Variants in PRAF2 observed in about 807,000 individuals in gnomAD.
PRAF2 encodes the protein PRA1 family protein 2.
A neutral mutation model predicts 9.7 loss-of-function variants in PRAF2; 5 were observed. That is an observed-to-expected ratio of 0.51 (90% confidence interval 0.27 to 1.08). The LOEUF is 1.08. Ranked by LOEUF, PRAF2 falls within the 50% of genes least tolerant of loss-of-function variation. PRAF2 has a pLI of 0.12. For synonymous variants in PRAF2, 61 were observed against 76.6 expected, an observed-to-expected ratio of 0.80 and a Z score of 1.06; for missense variants, 135 against 160.7, an observed-to-expected ratio of 0.84 and a Z score of 0.86.
At position 49,072,656 on chromosome X, in the gene PRAF2, G is replaced by A. The variant is rs781872039; in HGVS notation, c.180-6C>T. ...TATGAAGTGGCCGCACGTACCTGCG[G>A]GTACAAGGGAACCAAGCTAGCCGGC... On this transcript the variant is annotated splice_region_variant and splice_polypyrimidine_tract_variant and intron_variant, in intron 1 of 2. Transcript: ENST00000553851. The A allele has an allele frequency of 1.4e-5, 16 of 1,161,953 alleles. No homozygotes were observed. The South Asian group carries it at 2.7e-4, about 19-fold the overall frequency.
At chrX:49,072,205 C>T in intron 2 of PRAF2, 197 bp from the exon 3 acceptor site, 1 of 610,513 alleles carries the variant, frequency 1.6e-6, no homozygotes, top group Non-Finnish European at 2.5e-6. Flanking sequence ...GTAACGGGGA[C>T]GTGGCCAGTG....
In PRAF2 at chrX:49,071,816, T is replaced by C. The variant is rs782433233; in HGVS notation, c.*53A>G. 1.8e-5 allele frequency: 21 copies of C among 1,148,550 alleles called. No individual in the cohort carries two copies. The highest frequency in any genetic ancestry group is 2.4e-5 in the Non-Finnish European group (21 of 864,311). The allele number at this position is 1,148,550 out of a possible 1,213,427, so 94.7% of individuals were successfully genotyped here. A position where few individuals can be genotyped will look rare whatever the true frequency, so the allele number is the denominator to read the frequency against. Reference sequence around the variant, plus strand: ...GGGAAAGGGCTCTGGGTCCCAATTATGGGCTGGGGGTGGGGTGGTATTCTC... The same window carrying C: ...GGGAAAGGGCTCTGGGTCCCAATTACGGGCTGGGGGTGGGGTGGTATTCTC... On this transcript the variant is annotated 3_prime_UTR_variant, in exon 3 of 3. Coordinates refer to ENST00000553851, the MANE Select transcript of PRAF2 (RefSeq NM_007213.3).
At position 49,072,010 on chromosome X, in the gene PRAF2, T is replaced by C; in HGVS notation, c.398-2A>G. Reference sequence around the variant, plus strand: ...GCAACGAGGCGTGCACCAGGATCACTGTGGGCGGCACCGAGAGGGGTGGTC... The same window carrying C: ...GCAACGAGGCGTGCACCAGGATCACCGTGGGCGGCACCGAGAGGGGTGGTC... On this transcript the variant is annotated splice_acceptor_variant, in intron 2 of 2. Transcript: ENST00000553851. LOFTEE classifies it high-confidence loss of function. The C allele has an allele frequency of 8.3e-7, 1 of 1,205,496 alleles. No individual in the cohort carries two copies. Among genetic ancestry groups the C allele is most frequent in the Non-Finnish European group, 1.1e-6 (1 of 893,439 alleles).
rs2065009287 is a variant in PRAF2, at chrX:49,071,201, A to G, written c.*668T>C. On this transcript the variant is annotated 3_prime_UTR_variant, in exon 3 of 3. Transcript: ENST00000553851. ...CAACAGGCTTTATTGTTGCAGCAAC[A>G]CTAACATATACGCCCCATTCCCTGC... is the stretch of plus-strand genomic sequence containing the variant. 2 of 112,724 alleles carry G rather than the reference A, an allele frequency of 1.8e-5. No homozygotes were observed. The highest frequency in any genetic ancestry group is 6.4e-5 in the African/African-American group (2 of 31,061). The allele number at this position is 112,724 out of a possible 1,213,427, so 9.3% of individuals were successfully genotyped here.
At chrX:49,073,338 A>T (rs1256622063) in intron 1 of PRAF2, among the ~76,000 whole-genome samples, 2 of 108,846 alleles carry the variant, frequency 1.8e-5, no homozygotes, top group African/African-American at 3.4e-5. Flanking sequence ...TCCCCAATAA[A>T]TACATCTTCC....
In PRAF2 at chrX:49,071,882, T is replaced by G; in HGVS notation, c.524A>C (p.Glu175Ala). Residue 175 changes from glutamate to alanine, a missense_variant, in exon 3 of 3, where the codon GAG becomes GCG. Physicochemically the swap from Glu to Ala is moderately radical, Grantham distance 107 (BLOSUM62 -1). Coordinates refer to ENST00000553851, the MANE Select transcript of PRAF2 (RefSeq NM_007213.3). Reference sequence around the variant, plus strand: ...GATCCCAGGGGCCTAGGATCCAGCCTCCTGCTCTTGTCCCAGTGCCTCTAG... The same window carrying G: ...GATCCCAGGGGCCTAGGATCCAGCCGCCTGCTCTTGTCCCAGTGCCTCTAG... ...LLLEALGQEQEAGS is the reference protein window; with the variant it reads ...LLLEALGQEQAAGS 8.3e-7 allele frequency: 1 copy of G among 1,209,628 alleles called. No individual in the cohort carries two copies. Among genetic ancestry groups the G allele is most frequent in the Non-Finnish European group, 1.1e-6 (1 of 894,537 alleles).
intron 1 of PRAF2, among the ~76,000 whole-genome samples, chrX:49,073,197 C>T (rs2065017653): frequency 9.0e-6 from 1 of 111,018 alleles, no homozygotes; most frequent in Non-Finnish European, 1.9e-5. Flanking sequence ...TCAAGTCCTT[C>T]CTCCAGATTC....
intron 1 of PRAF2, 32 bp downstream of exon 1, chrX:49,073,777 G>A (rs1434299610): frequency 8.3e-7 from 1 of 1,204,666 alleles, no homozygotes; most frequent in Non-Finnish European, 1.1e-6. Context: ...CTCTGCAGAC[G>A]TCCCTGGCCA....
At chrX:49,072,718 T>A in intron 1 of PRAF2, 68 bp from the exon 2 acceptor site, 2 of 1,049,888 alleles carry the variant, frequency 1.9e-6, no homozygotes, top group Non-Finnish European at 1.3e-6. Flanking sequence ...CCACCCACCC[T>A]GGGCCCCAAG....
At chrX:49,073,334 A>G (rs1557083451) in intron 1 of PRAF2, among the ~76,000 whole-genome samples, 1 of 110,206 alleles carries the variant, frequency 9.1e-6, no homozygotes. Context: ...CGGATCCCCA[A>G]TAAATACATC....
chrX:49,073,584 C>G (rs2065019057), intron 1 of PRAF2, among the ~76,000 whole-genome samples: 1 of 110,292 alleles, frequency 9.1e-6, no homozygotes, highest in South Asian at 3.9e-4. Flanking sequence ...CCCCCGCAGG[C>G]CCTCCTCATC....
chrX:49,073,931 C>G lies in PRAF2; in HGVS notation c.57G>C (p.Ser19=). The G allele has an allele frequency of 8.3e-7, 1 of 1,211,212 alleles. No individual in the cohort carries two copies. The highest frequency in any genetic ancestry group is 1.1e-6 in the Non-Finnish European group (1 of 895,159). ...ATGGATCCGGAGCCGCCAGACGCGC[C>G]GACCCCAGAACAAAGTCGTCCAGGG... The part of the protein sequence containing the change: ...LRALDDFVLG[S]ARLAAPDPCD... Residue 19 remains serine, a synonymous_variant, in exon 1 of 3, where the codon TCG becomes TCC. Transcript: ENST00000553851.
At chrX:49,072,331 G>A (rs2065014008) in intron 2 of PRAF2, 102 bp downstream of exon 2, 3 of 1,020,395 alleles carry the variant, frequency 2.9e-6, no homozygotes, top group Middle Eastern at 2.6e-4. Flanking sequence ...AGGCCCTCGG[G>A]TTTCCCAGCC....
chrX:49,072,355 G>A lies in PRAF2; in HGVS notation c.397+78C>T, dbSNP rs1253200657. The stretch of plus-strand genomic sequence containing the variant: ...GGTTTCCCAGCCCCCTCTCAACCCG[G>A]GGACCGGCAGGGCTGGCCTGGTGCC... On this transcript the variant is annotated intron_variant, in intron 2 of 2. Transcript: ENST00000553851. 6.4e-6 allele frequency: 7 copies of A among 1,095,891 alleles called. No homozygotes were observed. In the African/African-American group the frequency reaches 1.3e-4, roughly 20 times the overall value. 90.3% of individuals were successfully genotyped at this position (1,095,891 alleles called of 1,213,427 possible).
intron 2 of PRAF2, 136 bp from the exon 3 acceptor site, chrX:49,072,144 GTGGCCGAGTAAT>G (rs1300673897): frequency 1.2e-6 from 1 of 848,806 alleles, no homozygotes; most frequent in Admixed American, 3.3e-5. Context: ...TACTGAAAGC[GTGGCCGAGTAAT>G]TGGCTTGGCA....
At position 49,072,006 on chromosome X, in the gene PRAF2, T is replaced by C. The variant is rs2065012903; in HGVS notation, c.400A>G (p.Ile134Val). The part of the protein sequence containing the change: ...LFSIAGPVLL[I>V]LVHASLRLRN... ...AGGCGCAACGAGGCGTGCACCAGGA[T>C]CACTGTGGGCGGCACCGAGAGGGGT... The change falls in exon 3 of 3, where the codon ATC (isoleucine) becomes GTC (valine). Residue 134 changes from isoleucine (I) to valine (V), a missense_variant and splice_region_variant. By Grantham distance (29) the Ile-to-Val change is conservative. Coordinates refer to ENST00000553851, the MANE Select transcript of PRAF2 (RefSeq NM_007213.3). 1 of 1,203,836 alleles carries C rather than the reference T, an allele frequency of 8.3e-7. No individual in the cohort carries two copies. The highest frequency in any genetic ancestry group is 1.8e-5 in the South Asian group (1 of 56,218).
Position 49,071,243 on chromosome X carries a change from C to T in PRAF2, c.*626G>A, listed in dbSNP as rs781981428. ...ATTCCCTGCTGAGGCCTGTCCCCAC[C>T]TCACCCCTTGGTTGTCGATGGTGTG... On this transcript the variant is annotated 3_prime_UTR_variant, in exon 3 of 3. Coordinates refer to ENST00000553851, the MANE Select transcript of PRAF2 (RefSeq NM_007213.3). 12 of 112,626 alleles carry T rather than the reference C, an allele frequency of 1.1e-4. No individual in the cohort carries two copies. The highest frequency in any genetic ancestry group is 3.5e-4 in the African/African-American group (11 of 31,034). 9.3% of individuals were successfully genotyped at this position (112,626 alleles called of 1,213,427 possible). A position where few individuals can be genotyped will look rare whatever the true frequency, so the allele number is the denominator to read the frequency against.
Position 49,073,811 on chromosome X carries a change from G to A in PRAF2, c.177C>T (p.Ala59=). 6.6e-6 allele frequency: 8 copies of A among 1,211,427 alleles called. No individual in the cohort carries two copies. The highest frequency in any genetic ancestry group is 2.2e-5 in the Admixed American group (1 of 46,091). ...LLCFGIGLAL[A]GYVRPLHTLL... is the part of the protein sequence containing the mutation. ...CAACCGGCGCCTCCCTCCCTCACCCGGCGAGAGCGAGGCCGATGCCGAAGC... is the reference window on the plus strand; with the variant it reads ...CAACCGGCGCCTCCCTCCCTCACCCAGCGAGAGCGAGGCCGATGCCGAAGC... The change falls in exon 1 of 3, where the codon GCC becomes GCT. Residue 59 remains alanine, a splice_region_variant and synonymous_variant. Transcript: ENST00000553851.
intron 1 of PRAF2, 51 bp from the exon 2 acceptor site, chrX:49,072,701 C>T (rs942048133): frequency 5.5e-6 from 6 of 1,098,486 alleles, no homozygotes; most frequent in South Asian, 2.0e-5. Flanking sequence ...AGACGGCCTC[C>T]GGACCACCAC....
Sources: allele counts gnomAD v4.1 joint callset (sites outside exome capture counted in the v4.1 genomes callset), GRCh38; gene constraint gnomAD v4.1.1; transcripts MANE v1.5; gene names NCBI Gene and HGNC (gene_info 2026-07-23, HGNC 2026-07-21).